The following PKHD1L1 variants were observed in gnomAD, a reference collection of about 807,000 sequenced individuals.
The protein encoded by PKHD1L1 is fibrocystin-L.
A neutral mutation model predicts 462.9 loss-of-function variants in PKHD1L1; 434 were observed. That is an observed-to-expected ratio of 0.94 (90% CI 0.87 to 1.02). PKHD1L1 has a LOEUF of 1.02. Among genes scored for constraint, PKHD1L1 ranks in the 50% least tolerant of loss-of-function variants. The probability of loss-of-function intolerance (pLI) is 0.00; values close to 1 mark genes in which losing one functional copy is unlikely to be tolerated. For missense variants in PKHD1L1, 5,202 were observed against 5,096.1 expected, an observed-to-expected ratio of 1.02 and a Z score of -0.63; for synonymous variants, 1,781 against 1,750.0, an observed-to-expected ratio of 1.02 and a Z score of -0.44.
In PKHD1L1 at chr8:109,482,984, T is replaced by C. The variant is rs774322443; in HGVS notation, c.9458-3T>C. On this transcript the variant is annotated splice_polypyrimidine_tract_variant and splice_region_variant and intron_variant, in intron 56 of 77. Coordinates refer to ENST00000378402, the MANE Select transcript of PKHD1L1 (RefSeq NM_177531.6). ...TAAGTAGGAGTGTGCTTTTCTTCTT[T>C]AGGGGTGTTTGGTGAGCTGGATCTT... The C allele has an allele frequency of 5.6e-5, 88 of 1,578,706 alleles. No individual in the cohort carries two copies. Among genetic ancestry groups the C allele is most frequent in the South Asian group, 1.6e-4 (14 of 86,710 alleles).
chr8:109,435,401 T>A (rs773234579), intron 29 of PKHD1L1, 47 bp downstream of exon 29: 1 of 1,577,824 alleles, frequency 6.3e-7, no homozygotes, highest in East Asian at 2.3e-5. Context: ...TGCATTTCCA[T>A]CAGTTCAATG....
At position 109,464,575 on chromosome 8, in the gene PKHD1L1, C is replaced by G. The variant is rs2130830627; in HGVS notation, c.7743C>G (p.His2581Gln). The G allele has an allele frequency of 6.2e-7, 1 of 1,613,344 alleles. No individual in the cohort carries two copies. Among genetic ancestry groups the G allele is most frequent in the Middle Eastern group, 1.7e-4 (1 of 6,058 alleles). The change falls in exon 49 of 78, where the codon CAC becomes CAG. Residue 2581 changes from histidine to glutamine, a missense_variant. By Grantham distance (24) the His-to-Gln change is conservative. Around this residue, in one of 3 missense-constraint regions of PKHD1L1, gnomAD observed 4,497 missense variants for 4,336.8 expected, o/e 1.04. Coordinates refer to ENST00000378402, the MANE Select transcript of PKHD1L1 (RefSeq NM_177531.6). Reference protein sequence around the residue: ...IRHNAVAGGTHFGFWYRMNNH... With the variant: ...IRHNAVAGGTQFGFWYRMNNH... ...ACAATGCTGTTGCTGGTGGCACTCA[C>G]TTTGGCTTTTGGTACCGGATGAACA... is the stretch of plus-strand genomic sequence containing the variant.
At chr8:109,412,457 C>A (rs1352175202) in intron 20 of PKHD1L1, 43 bp downstream of exon 20, 3 of 1,504,064 alleles carry the variant, frequency 2.0e-6, no homozygotes, top group Non-Finnish European at 1.8e-6. Flanking sequence ...CTGGAAAATA[C>A]CTTGGTAATA....
At chr8:109,413,062 T>C (rs1813942142) in intron 20 of PKHD1L1, among the ~76,000 whole-genome samples, 1 of 152,158 alleles carries the variant, frequency 6.6e-6, no homozygotes, top group South Asian at 2.1e-4. Flanking sequence ...CCTGAATGTT[T>C]ACCTCTCTTC....
intron 31 of PKHD1L1, 33 bp downstream of exon 31, chr8:109,438,489 TCCTATGTATAAAAAACATTTCTA>T (rs1043628058): frequency 4.3e-5 from 65 of 1,505,806 alleles, no homozygotes; most frequent in Non-Finnish European, 5.5e-5. Context: ...TGGTCATTTG[TCCTATGTATAAAAAACATTTCTA>T]GAAAGGCTTT....
chr8:109,510,391 G>A (rs953950391), intron 70 of PKHD1L1, among the ~76,000 whole-genome samples: 6 of 152,122 alleles, frequency 3.9e-5, no homozygotes, highest in African/African-American at 1.4e-4. Context: ...ATTTGGTAGA[G>A]AGAAGAAAGA....
intron 2 of PKHD1L1, among the ~76,000 whole-genome samples, chr8:109,371,866 T>C (rs1811530158): frequency 6.6e-6 from 1 of 152,154 alleles, no homozygotes; most frequent in Non-Finnish European, 1.5e-5. Context: ...GGTCTATATC[T>C]CTGTTTTGGT....
intron 20 of PKHD1L1, 93 bp downstream of exon 20, chr8:109,412,507 A>G (rs1813910658): frequency 1.7e-5 from 23 of 1,321,938 alleles, no homozygotes; most frequent in Non-Finnish European, 1.9e-5. Context: ...AATATTTGCC[A>G]TATAAATAGT....
intron 53 of PKHD1L1, 58 bp downstream of exon 53, chr8:109,477,454 C>T (rs1423017619): frequency 2.1e-6 from 3 of 1,423,640 alleles, no homozygotes; most frequent in Non-Finnish European, 1.9e-6. Flanking sequence ...ATCCTTTTCA[C>T]ATGTCACTCC....
intron 73 of PKHD1L1, 106 bp downstream of exon 73, chr8:109,518,614 C>T (rs1254086580): frequency 6.2e-5 from 57 of 916,212 alleles, no homozygotes; most frequent in Admixed American, 2.0e-4. Flanking sequence ...ATCCCATCAA[C>T]CCCACATCCT....
At position 109,526,860 on chromosome 8, in the gene PKHD1L1, G is replaced by A. The variant is rs774924753; in HGVS notation, c.12561G>A (p.Glu4187=). ...CCAGAACTTTCAGCCTGCTGGCAGA[G>A]TCTGTCTCTAGCAGTGGCAGCAGCA... The part of the protein sequence containing the change: ...VESRTFSLLA[E]SVSSSGSSSS... Residue 4187 remains glutamate (E), a synonymous_variant, in exon 77 of 78, where the codon GAG becomes GAA. Transcript: ENST00000378402. 6.9e-6 allele frequency: 11 copies of A among 1,603,324 alleles called. No individual in the cohort carries two copies. The South Asian group carries it at 1.2e-4, about 18-fold the overall frequency.
chr8:109,429,209 A>G (rs905408444), intron 25 of PKHD1L1, 131 bp from the exon 26 acceptor site: 3 of 825,194 alleles, frequency 3.6e-6, no homozygotes, highest in Admixed American at 3.6e-5. Flanking sequence ...AAGTGACTAC[A>G]ATGGTTTTGA....
intron 59 of PKHD1L1, among the ~76,000 whole-genome samples, chr8:109,489,552 A>G (rs1220512973): frequency 6.6e-6 from 1 of 152,008 alleles, no homozygotes; most frequent in Admixed American, 6.6e-5. Context: ...AAAGGGAAAT[A>G]TCAGGTAAAT....
At chr8:109,408,261 T>A (rs991105814) in intron 18 of PKHD1L1, 55 bp downstream of exon 18, 3 of 1,472,516 alleles carry the variant, frequency 2.0e-6, no homozygotes, top group Non-Finnish European at 2.8e-6. Context: ...CTCACATCAT[T>A]CATGGGCCAT....
chr8:109,452,674 T>C, intron 42 of PKHD1L1, 44 bp from the exon 43 acceptor site: 1 of 1,303,524 alleles, frequency 7.7e-7, no homozygotes. Flanking sequence ...TGAAAAACTC[T>C]GGTAAAATCC....
At chr8:109,471,007 A>T in intron 50 of PKHD1L1, 1 of 1,610,470 alleles carries the variant, frequency 6.2e-7, no homozygotes, top group Non-Finnish European at 8.5e-7. Context: ...TTCACAGTCC[A>T]GTTGGGTCAC....
At chr8:109,492,128 T>A (rs13250138) in intron 62 of PKHD1L1, 134 bp downstream of exon 62, 241,868 of 669,010 alleles carry the variant, frequency 0.36, 42,879 homozygotes, top group South Asian at 0.54. Context: ...GCCATTGATT[T>A]TTTTTTTTTT....
At position 109,492,075 on chromosome 8, in the gene PKHD1L1, A is replaced by ATT. The variant is rs1266974629; in HGVS notation, c.10236+81_10236+82insTT. ...AATATCTAATAAAATGAGCTAACTAAAGGAGTGAATGCACTTTTAAAAAGA... is the reference window on the plus strand; with the variant it reads ...AATATCTAATAAAATGAGCTAACTAATTAGGAGTGAATGCACTTTTAAAAAGA... On this transcript the variant is annotated intron_variant, in intron 62 of 77. Transcript: ENST00000378402. 2.6e-6 allele frequency: 3 copies of ATT among 1,144,772 alleles called. No individual in the cohort carries two copies. In the East Asian group the frequency reaches 8.4e-5, roughly 32 times the overall value. 70.9% of individuals were successfully genotyped at this position (1,144,772 alleles called of 1,614,324 possible).
chr8:109,413,378 A>T, intron 20 of PKHD1L1, 43 bp from the exon 21 acceptor site: 1 of 1,275,666 alleles, frequency 7.8e-7, no homozygotes. Flanking sequence ...AAACAATGTA[A>T]TGGTAATATA....
Sources: gnomAD v4.1 joint callset for allele counts (sites outside exome capture counted in the v4.1 genomes callset) on GRCh38, gnomAD v4.1.1 for gene constraint, gnomAD v4.1.1 regional missense constraint, MANE v1.5 for transcripts, NCBI Gene and HGNC (gene_info 2026-07-23, HGNC 2026-07-21) for gene names.